TFPI: variants seen among roughly 807,000 people sequenced by gnomAD.
TFPI encodes anti-convertin.
In TFPI, 15 loss-of-function variants were observed where a neutral mutation model predicts 34.6. The observed-to-expected ratio is 0.43, with a 90% CI of 0.29 to 0.67. The LOEUF is 0.67. Ranked by LOEUF, TFPI falls within the 30% of genes least tolerant of loss-of-function variation. The pLI is 0.15. For missense variants in TFPI, 301 were observed against 364.0 expected, an observed-to-expected ratio of 0.83 and a Z score of 1.41; for synonymous variants, 105 against 120.1, an observed-to-expected ratio of 0.87 and a Z score of 0.82.
intron 1 of TFPI, among the ~76,000 whole-genome samples, chr2:187,522,833 G>A (rs377625282): frequency 6.6e-5 from 10 of 151,260 alleles, no homozygotes; most frequent in African/African-American, 2.2e-4. Context: ...AGAGATTGCA[G>A]TGAGCCGAGA....
At chr2:187,505,582 A>C (rs1387849735) in intron 1 of TFPI, among the ~76,000 whole-genome samples, 1 of 152,178 alleles carries the variant, frequency 6.6e-6, no homozygotes, top group Non-Finnish European at 1.5e-5. Flanking sequence ...AGCATGATGC[A>C]TGAACAATGA....
intron 6 of TFPI, among the ~76,000 whole-genome samples, chr2:187,470,965 C>T (rs189306700): frequency 8.5e-5 from 13 of 152,306 alleles, no homozygotes; most frequent in East Asian, 3.9e-4. Flanking sequence ...CCACTGCTTA[C>T]GCAGATCATT....
chr2:187,540,936 A>T (rs914262460), intron 1 of TFPI, among the ~76,000 whole-genome samples: 1 of 151,808 alleles, frequency 6.6e-6, no homozygotes, highest in Non-Finnish European at 1.5e-5. Context: ...GAAAATAATA[A>T]ACCTTTAATT....
chr2:187,515,243 C>T (rs906695812), intron 1 of TFPI: 37 of 152,344 alleles, frequency 2.4e-4, no homozygotes, highest in Middle Eastern at 3.4e-3. Context: ...GCCCCCCATA[C>T]TGTGGTGACT....
At chr2:187,500,901 C>T (rs1044912176) in intron 2 of TFPI, among the ~76,000 whole-genome samples, 2 of 152,080 alleles carry the variant, frequency 1.3e-5, no homozygotes, top group Non-Finnish European at 2.9e-5. Context: ...TGGGTATTGA[C>T]CATGCGTCAA....
intron 1 of TFPI, among the ~76,000 whole-genome samples, chr2:187,527,940 A>G (rs1346054493): frequency 6.6e-6 from 1 of 152,088 alleles, no homozygotes; most frequent in Non-Finnish European, 1.5e-5. Flanking sequence ...TAGAACCTGG[A>G]CTACATTATC....
intron 1 of TFPI, among the ~76,000 whole-genome samples, chr2:187,530,625 C>G (rs555230523): frequency 3.0e-4 from 45 of 152,254 alleles, no homozygotes; most frequent in African/African-American, 1.0e-3. Context: ...TTGATGGTTA[C>G]GTTCTCTTCC....
rs1687209261 is a variant in TFPI, at chr2:187,519,213, G to C, written c.-2-15443C>G. Reference sequence around the variant, plus strand: ...GCAAGGAGTGTGATCTGTTGGAGGAGAAGTGTTCTGGTTTTGGGAATTTTC... The same window carrying C: ...GCAAGGAGTGTGATCTGTTGGAGGACAAGTGTTCTGGTTTTGGGAATTTTC... On this transcript the variant is annotated intron_variant, in intron 1 of 7. Coordinates refer to ENST00000233156, the MANE Select transcript of TFPI (RefSeq NM_006287.6). 3.9e-5 allele frequency: 6 copies of C among 152,326 alleles called. No individual in the cohort carries two copies. In the South Asian group the frequency reaches 1.2e-3, roughly 32 times the overall value. The allele number at this position is 152,326 out of a possible 1,614,324, so 9.4% of individuals were successfully genotyped here. A position where few individuals can be genotyped will look rare whatever the true frequency, so the allele number is the denominator to read the frequency against.
intron 1 of TFPI, chr2:187,513,935 CCTCTGA>C (rs1317535429): frequency 1.3e-5 from 2 of 152,056 alleles, no homozygotes; most frequent in African/African-American, 4.8e-5. Flanking sequence ...CAGAAAAGTA[CCTCTGA>C]CCTTCCTGAC....
chr2:187,483,626 C>A (rs2106009318), intron 6 of TFPI, among the ~76,000 whole-genome samples: 1 of 152,000 alleles, frequency 6.6e-6, no homozygotes, highest in African/African-American at 2.4e-5. Context: ...AAAAAGAGTC[C>A]TGCAGAATTC....
At chr2:187,479,083 C>G (rs1209581040) in intron 6 of TFPI, among the ~76,000 whole-genome samples, 1 of 151,904 alleles carries the variant, frequency 6.6e-6, no homozygotes, top group Admixed American at 6.6e-5. Flanking sequence ...GAGGGTCAGT[C>G]AATTTTAGGT....
intron 6 of TFPI, among the ~76,000 whole-genome samples, chr2:187,470,818 A>G (rs549925273): frequency 4.6e-5 from 7 of 152,334 alleles, no homozygotes; most frequent in African/African-American, 1.7e-4. Flanking sequence ...CTTCTGAATC[A>G]GAGGGTGTCT....
chr2:187,484,502 C>T, intron 5 of TFPI: 1 of 489,806 alleles, frequency 2.0e-6, no homozygotes, highest in Non-Finnish European at 3.5e-6. Flanking sequence ...TTTTCAGTAA[C>T]TGTTTGCTCT....
Position 187,465,810 on chromosome 2 carries a change from T to A in TFPI, c.*1126A>T, listed in dbSNP as rs1042798424. ...ATCAGTTCCAATTCCAGTGTCAGAT[T>A]TGAGGTGAACACTACAGAAACTGAC... On this transcript the variant is annotated 3_prime_UTR_variant, in exon 8 of 8. Coordinates refer to ENST00000233156, the MANE Select transcript of TFPI (RefSeq NM_006287.6). 6.6e-6 allele frequency: 1 copy of A among 152,108 alleles called. No individual in the cohort carries two copies. The highest frequency in any genetic ancestry group is 1.5e-5 in the Non-Finnish European group (1 of 68,010). 9.4% of individuals were successfully genotyped at this position (152,108 alleles called of 1,614,324 possible).
At chr2:187,541,850 C>T (rs146465782) in intron 1 of TFPI, among the ~76,000 whole-genome samples, 5 of 152,122 alleles carry the variant, frequency 3.3e-5, no homozygotes, top group Admixed American at 2.6e-4. Context: ...CTTGGGAAGC[C>T]GCAGTTACAC....
rs985904110 is a variant in TFPI, at chr2:187,479,577, A to G, written c.628+4547T>C. On this transcript the variant is annotated intron_variant, in intron 6 of 7. Transcript: ENST00000233156. Reference sequence around the variant, plus strand: ...TATATATATATATATATATATATATATATATATATATATGATTTAAAAATA... The same window carrying G: ...TATATATATATATATATATATATATGTATATATATATATGATTTAAAAATA... Among the ~76,000 whole-genome samples, 7 of 139,632 alleles carry G rather than the reference A, an allele frequency of 5.0e-5. 1 individual carries two copies. Among genetic ancestry groups the G allele is most frequent in the African/African-American group, 1.9e-4 (7 of 37,572 alleles). The allele number at this position is 139,632 out of a possible 152,430, so 91.6% of individuals were successfully genotyped here. A position where few individuals can be genotyped will look rare whatever the true frequency, so the allele number is the denominator to read the frequency against.
intron 1 of TFPI, among the ~76,000 whole-genome samples, chr2:187,505,301 T>C (rs1252106051): frequency 6.6e-6 from 1 of 152,102 alleles, no homozygotes; most frequent in Non-Finnish European, 1.5e-5. Context: ...CAAGTTCCTG[T>C]CTTAAAAAAT....
intron 6 of TFPI, among the ~76,000 whole-genome samples, chr2:187,482,561 T>G (rs1692950127): frequency 6.6e-6 from 1 of 152,062 alleles, no homozygotes; most frequent in Non-Finnish European, 1.5e-5. Flanking sequence ...TCATTTTGAA[T>G]ATATCGTATT....
At chr2:187,525,516 G>C (rs1211424651) in intron 1 of TFPI, among the ~76,000 whole-genome samples, 1 of 151,930 alleles carries the variant, frequency 6.6e-6, no homozygotes, top group Non-Finnish European at 1.5e-5. Flanking sequence ...TAGTGGTTAA[G>C]AAGAGGGGGT....
Sources: gnomAD v4.1 joint callset for allele counts (sites outside exome capture counted in the v4.1 genomes callset) on GRCh38, gnomAD v4.1.1 for gene constraint, MANE v1.5 for transcripts, NCBI Gene and HGNC (gene_info 2026-07-23, HGNC 2026-07-21) for gene names.